MAGI2: variants seen among roughly 807,000 people sequenced by gnomAD.
The protein encoded by MAGI2 is membrane-associated guanylate kinase, WW and PDZ domain-containing protein 2.
In MAGI2, 35 loss-of-function variants were observed where a neutral mutation model predicts 133.3. The ratio of observed to expected loss-of-function variants is 0.26; its 90% CI spans 0.20 to 0.35. MAGI2 has a LOEUF of 0.35. MAGI2 is among the 10% of genes least tolerant of loss of function. The pLI is 1.00. For synonymous variants in MAGI2, 729 were observed against 710.6 expected (o/e 1.03, Z -0.41); for missense variants, 1,636 against 1,863.4 (o/e 0.88, Z 2.25).
intron 1 of MAGI2, among the ~76,000 whole-genome samples, chr7:79,144,656 A>G (rs1376435534): frequency 6.6e-6 from 1 of 152,204 alleles, no homozygotes; most frequent in Non-Finnish European, 1.5e-5. Context: ...ACATAGTAAG[A>G]GTTCACTGTG....
At chr7:78,502,869 G>A (rs894521720) in intron 4 of MAGI2, among the ~76,000 whole-genome samples, 5 of 152,178 alleles carry the variant, frequency 3.3e-5, no homozygotes, top group Admixed American at 6.5e-5. Context: ...GAAATAAGTC[G>A]ACAAACAATA....
chr7:79,388,121 A>T (rs2129148254), intron 1 of MAGI2, among the ~76,000 whole-genome samples: 1 of 152,096 alleles, frequency 6.6e-6, no homozygotes, highest in South Asian at 2.1e-4. Context: ...AATTCAGATC[A>T]TAATTATAGT....
intron 1 of MAGI2, among the ~76,000 whole-genome samples, chr7:79,435,843 C>T (rs1420240495): frequency 2.0e-5 from 3 of 152,176 alleles, no homozygotes; most frequent in African/African-American, 7.2e-5. Flanking sequence ...AGAGGCATCA[C>T]CATTACCTGA....
intron 2 of MAGI2, among the ~76,000 whole-genome samples, chr7:78,650,647 G>A (rs1470046637): frequency 7.5e-6 from 1 of 132,840 alleles, no homozygotes; most frequent in East Asian, 2.4e-4. Context: ...TTTATTTTAT[G>A]GGCAGTTATA....
chr7:78,684,742 AT>A (rs112176858), intron 2 of MAGI2, among the ~76,000 whole-genome samples: 26,003 of 151,706 alleles, frequency 0.17, 2,321 homozygotes, highest in Middle Eastern at 0.22. Flanking sequence ...AAAAAAAAGC[AT>A]TTTTTTTCTC....
In MAGI2 at chr7:78,195,044, T is replaced by A; in HGVS notation, c.2099A>T (p.Asn700Ile). 6.2e-7 allele frequency: 1 copy of A among 1,609,988 alleles called. No homozygotes were observed. ...TAAACTCGTTTGAGGACTGCCTTGATTCTCCCATCGGTCCATTATCTGAAA... is the reference window on the plus strand; with the variant it reads ...TAAACTCGTTTGAGGACTGCCTTGAATCTCCCATCGGTCCATTATCTGAAA... Reference protein sequence around the residue: ...TPKPIMDRWENQGSPQTSLSA... With the variant: ...TPKPIMDRWEIQGSPQTSLSA... Residue 700 changes from asparagine (N) to isoleucine (I), a missense_variant, in exon 12 of 22, where the codon AAT (asparagine) becomes ATT (isoleucine). By Grantham distance (149) the Asn-to-Ile change is moderately radical. Transcript: ENST00000354212.
intron 9 of MAGI2, among the ~76,000 whole-genome samples, chr7:78,280,916 G>T (rs932789046): frequency 6.7e-6 from 1 of 149,438 alleles, no homozygotes; most frequent in Admixed American, 6.7e-5. Context: ...CTTCCCACCA[G>T]TTCACTCTAT....
chr7:78,846,322 T>C (rs1792602766), intron 2 of MAGI2, among the ~76,000 whole-genome samples: 1 of 151,980 alleles, frequency 6.6e-6, no homozygotes, highest in Non-Finnish European at 1.5e-5. Flanking sequence ...TCTCATTTCT[T>C]AGGCTTAATA....
chr7:78,749,432 A>G (rs1823245013), intron 2 of MAGI2, among the ~76,000 whole-genome samples: 1 of 152,176 alleles, frequency 6.6e-6, no homozygotes, highest in South Asian at 2.1e-4. Flanking sequence ...GTATATTAGA[A>G]GGTAATAAGC....
At chr7:79,084,277 T>C (rs1018574221) in intron 1 of MAGI2, among the ~76,000 whole-genome samples, 1 of 151,800 alleles carries the variant, frequency 6.6e-6, no homozygotes, top group African/African-American at 2.4e-5. Flanking sequence ...TTTTCAAATA[T>C]GTTTATAGCT....
intron 2 of MAGI2, among the ~76,000 whole-genome samples, chr7:78,959,403 A>C (rs1802664746): frequency 6.6e-6 from 1 of 152,160 alleles, no homozygotes; most frequent in South Asian, 2.1e-4. Flanking sequence ...AATAAATTAA[A>C]AAAAAATCCC....
chr7:78,741,376 AACACACACACACAC>A lies in MAGI2; in HGVS notation c.419-114151_419-114138del, dbSNP rs55784786. On this transcript the variant is annotated intron_variant, in intron 2 of 21. Coordinates refer to ENST00000354212, the MANE Select transcript of MAGI2 (RefSeq NM_012301.4). ...TGGAGGAATAGAAGAAAAAAGTTGA[AACACACACACACAC>A]ACACACACACACACACACACACACA... Among the ~76,000 whole-genome samples the A allele has an allele frequency of 5.5e-3, 650 of 117,520 alleles. 5 individuals carry two copies. The highest frequency in any genetic ancestry group is 0.011 in the South Asian group (33 of 2,934). The allele number at this position is 117,520 out of a possible 152,430, so 77.1% of individuals were successfully genotyped here. A position where few individuals can be genotyped will look rare whatever the true frequency, so the allele number is the denominator to read the frequency against.
At chr7:78,815,881 C>A (rs1171959892) in intron 2 of MAGI2, among the ~76,000 whole-genome samples, 4 of 152,124 alleles carry the variant, frequency 2.6e-5, no homozygotes, top group African/African-American at 7.2e-5. Context: ...ACAATGGCTG[C>A]AAAGTATTCA....
At chr7:78,174,333 G>C (rs1826390288) in intron 14 of MAGI2, among the ~76,000 whole-genome samples, 1 of 152,168 alleles carries the variant, frequency 6.6e-6, no homozygotes, top group Non-Finnish European at 1.5e-5. Flanking sequence ...CTTTCTGGTG[G>C]AAACCCCTTA....
intron 2 of MAGI2, among the ~76,000 whole-genome samples, chr7:78,992,101 C>A (rs555982352): frequency 6.6e-6 from 1 of 152,106 alleles, no homozygotes; most frequent in African/African-American, 2.4e-5. Flanking sequence ...TATTGTTAAA[C>A]AAAGATGAAA....
At chr7:78,116,883 T>C (rs1819918951) in intron 20 of MAGI2, among the ~76,000 whole-genome samples, 1 of 151,136 alleles carries the variant, frequency 6.6e-6, no homozygotes, top group South Asian at 2.1e-4. Flanking sequence ...GTCTCAAAAA[T>C]GAAATAAGAT....
At chr7:79,417,086 T>C (rs1241767364) in intron 1 of MAGI2, among the ~76,000 whole-genome samples, 2 of 152,084 alleles carry the variant, frequency 1.3e-5, no homozygotes, top group Admixed American at 1.3e-4. Context: ...AAGTTAAAAA[T>C]GAATAAAGAA....
At chr7:78,994,384 A>G (rs1199783995) in intron 2 of MAGI2, among the ~76,000 whole-genome samples, 1 of 152,078 alleles carries the variant, frequency 6.6e-6, no homozygotes, top group Admixed American at 6.6e-5. Context: ...TCTTTGGGAG[A>G]ATGACCTCAG....
At chr7:79,323,236 A>G (rs1436720971) in intron 1 of MAGI2, among the ~76,000 whole-genome samples, 3 of 152,192 alleles carry the variant, frequency 2.0e-5, no homozygotes, top group Admixed American at 1.3e-4. Flanking sequence ...GAACAGGACC[A>G]CATCCTCCCC....
Sources: allele counts gnomAD v4.1 joint callset (sites outside exome capture counted in the v4.1 genomes callset), GRCh38; gene constraint gnomAD v4.1.1; transcripts MANE v1.5; gene names NCBI Gene and HGNC (gene_info 2026-07-23, HGNC 2026-07-21).